Variants in GABRG3 observed in about 807,000 individuals in gnomAD.
GABRG3 encodes gamma-aminobutyric acid receptor subunit gamma-3.
A neutral mutation model predicts 48.8 loss-of-function variants in GABRG3; 25 were observed. That is an observed-to-expected ratio of 0.51 (90% CI 0.37 to 0.72). GABRG3 has a LOEUF of 0.72. Among genes scored for constraint, GABRG3 ranks in the 30% least tolerant of loss-of-function variants. GABRG3 has a pLI of 0.00. For missense variants in GABRG3, 394 were observed against 577.9 expected, an observed-to-expected ratio of 0.68 and a Z score of 3.26; for synonymous variants, 227 against 217.6, an observed-to-expected ratio of 1.04 and a Z score of -0.38.
intron 3 of GABRG3, among the ~76,000 whole-genome samples, chr15:27,035,366 G>A (rs966201631): frequency 4.6e-5 from 7 of 152,150 alleles, no homozygotes; most frequent in Admixed American, 1.3e-4. Flanking sequence ...ATAAGACACC[G>A]GATCTTTGTT....
chr15:27,268,357 T>A (rs11263715), intron 3 of GABRG3, among the ~76,000 whole-genome samples: 90,120 of 152,050 alleles, frequency 0.59, 27,335 homozygotes, highest in Non-Finnish European at 0.65. Context: ...CCTCTTAATA[T>A]AAGTAGAATC....
chr15:27,459,859 G>A (rs551918730), intron 5 of GABRG3, among the ~76,000 whole-genome samples: 78 of 152,162 alleles, frequency 5.1e-4, no homozygotes, highest in Non-Finnish European at 9.7e-4. Context: ...TTGCTAGCAA[G>A]TGTAACTTTT....
intron 3 of GABRG3, among the ~76,000 whole-genome samples, chr15:27,039,533 C>G (rs1028333445): frequency 1.3e-5 from 2 of 152,160 alleles, no homozygotes; most frequent in African/African-American, 2.4e-5. Context: ...GAAGCTGAAT[C>G]CAGTGACTGC....
At chr15:27,095,495 G>A (rs1897255306) in intron 3 of GABRG3, among the ~76,000 whole-genome samples, 1 of 152,014 alleles carries the variant, frequency 6.6e-6, no homozygotes, top group Non-Finnish European at 1.5e-5. Flanking sequence ...GAATGTGCTG[G>A]AAGGTGTGGT....
At chr15:27,272,000 T>G (rs940872249) in intron 3 of GABRG3, among the ~76,000 whole-genome samples, 2 of 152,138 alleles carry the variant, frequency 1.3e-5, no homozygotes, top group African/African-American at 4.8e-5. Context: ...GAGGGGAGTC[T>G]CAGGCCCCGC....
At chr15:27,480,163 C>CT (rs1369423667) in intron 5 of GABRG3, among the ~76,000 whole-genome samples, 1 of 152,230 alleles carries the variant, frequency 6.6e-6, no homozygotes, top group Non-Finnish European at 1.5e-5. Flanking sequence ...AAGCTGAAGA[C>CT]TGATAGGAGA....
At chr15:27,019,912 T>G (rs1895856940) in intron 2 of GABRG3, among the ~76,000 whole-genome samples, 1 of 152,202 alleles carries the variant, frequency 6.6e-6, no homozygotes, top group Non-Finnish European at 1.5e-5. Context: ...GAAACTTAAG[T>G]GCCTAGGGTG....
chr15:27,515,478 A>G lies in GABRG3; in HGVS notation c.713-4494A>G, dbSNP rs1386740697. Among the ~76,000 whole-genome samples, 5 of 152,170 alleles carry G rather than the reference A, an allele frequency of 3.3e-5. No individual in the cohort carries two copies. The South Asian group carries it at 1.0e-3, about 32-fold the overall frequency. On this transcript the variant is annotated intron_variant, in intron 6 of 9. Coordinates refer to ENST00000615808, the MANE Select transcript of GABRG3 (RefSeq NM_033223.5). Reference sequence around the variant, plus strand: ...AAACTTGAAGAATAAGATGGAGAACATTAGGCTTTTTGGCTGAGCATTGCT... The same window carrying G: ...AAACTTGAAGAATAAGATGGAGAACGTTAGGCTTTTTGGCTGAGCATTGCT...
intron 5 of GABRG3, among the ~76,000 whole-genome samples, chr15:27,382,843 C>T (rs1317211729): frequency 1.3e-5 from 2 of 152,084 alleles, no homozygotes; most frequent in Admixed American, 6.5e-5. Flanking sequence ...GAGTTGGTTT[C>T]GGTGGAACGA....
chr15:26,971,506 C>A lies in GABRG3; in HGVS notation c.-30C>A. 1.3e-6 allele frequency: 2 copies of A among 1,498,390 alleles called. No homozygotes were observed. The highest frequency in any genetic ancestry group is 1.8e-6 in the Non-Finnish European group (2 of 1,122,170). The allele number at this position is 1,498,390 out of a possible 1,614,324, so 92.8% of individuals were successfully genotyped here. On this transcript the variant is annotated 5_prime_UTR_variant, in exon 1 of 10. Coordinates refer to ENST00000615808, the MANE Select transcript of GABRG3 (RefSeq NM_033223.5). The stretch of plus-strand genomic sequence containing the variant: ...AGGAAGCCGCGCCCGGCCGAGGCCC[C>A]GGACCCTGCGCCCCGAGCTCCACGG...
At chr15:27,113,294 T>G (rs1308398714) in intron 3 of GABRG3, among the ~76,000 whole-genome samples, 1 of 152,222 alleles carries the variant, frequency 6.6e-6, no homozygotes, top group Non-Finnish European at 1.5e-5. Flanking sequence ...TCCCTTTTCT[T>G]CCTGTTGTTT....
intron 2 of GABRG3, among the ~76,000 whole-genome samples, chr15:27,020,116 G>A (rs1287796099): frequency 3.3e-5 from 5 of 152,100 alleles, no homozygotes; most frequent in African/African-American, 9.7e-5. Flanking sequence ...CCACGTAGGG[G>A]AACTGAGGCA....
At chr15:27,190,736 C>T (rs1207743672) in intron 3 of GABRG3, among the ~76,000 whole-genome samples, 1 of 151,914 alleles carries the variant, frequency 6.6e-6, no homozygotes, top group African/African-American at 2.4e-5. Context: ...TTCAGTTCTG[C>T]TCTGATTTTA....
chr15:27,275,530 A>G (rs2140476272), intron 3 of GABRG3, among the ~76,000 whole-genome samples: 1 of 152,268 alleles, frequency 6.6e-6, no homozygotes, highest in South Asian at 2.1e-4. Context: ...TGTCCAGGAA[A>G]GTTCATCCCC....
At chr15:27,254,658 A>G (rs1190397092) in intron 3 of GABRG3, among the ~76,000 whole-genome samples, 4 of 152,086 alleles carry the variant, frequency 2.6e-5, no homozygotes, top group Non-Finnish European at 5.9e-5. Context: ...GGCCGCTCTC[A>G]GGGGCCTCTT....
At chr15:27,208,536 TGACCTCATTGCAG>T in intron 3 of GABRG3, 1 of 185,160 alleles carries the variant, frequency 5.4e-6, no homozygotes, top group South Asian at 1.1e-4. Context: ...ATCTTCAGGG[TGACCTCATTGCAG>T]GGCTGGCTTG....
chr15:27,253,601 G>A (rs1232898492), intron 3 of GABRG3, among the ~76,000 whole-genome samples: 1 of 152,232 alleles, frequency 6.6e-6, no homozygotes, highest in Non-Finnish European at 1.5e-5. Flanking sequence ...TCTGGCTTAA[G>A]CATCCTCTGG....
intron 5 of GABRG3, among the ~76,000 whole-genome samples, chr15:27,353,276 C>A (rs1352961427): frequency 6.6e-6 from 1 of 152,034 alleles, no homozygotes; most frequent in African/African-American, 2.4e-5. Context: ...ACCTGCCTAG[C>A]CACTCTGCTT....
At chr15:27,057,194 ATCTT>A (rs1896563538) in intron 3 of GABRG3, among the ~76,000 whole-genome samples, 1 of 152,040 alleles carries the variant, frequency 6.6e-6, no homozygotes, top group South Asian at 2.1e-4. Context: ...CCAAGGGTGG[ATCTT>A]TCTTCCTAAC....
Sources: gnomAD v4.1 joint callset for allele counts (sites outside exome capture counted in the v4.1 genomes callset) on GRCh38, gnomAD v4.1.1 for gene constraint, MANE v1.5 for transcripts, NCBI Gene and HGNC (gene_info 2026-07-23, HGNC 2026-07-21) for gene names.